The following LRRTM4 variants were observed in gnomAD, a reference collection of about 807,000 sequenced individuals.
LRRTM4 encodes the protein leucine-rich repeat transmembrane neuronal protein 4.
In LRRTM4, 25 loss-of-function variants were observed where a neutral mutation model predicts 47.6. That is an observed-to-expected ratio of 0.53 (90% confidence interval 0.38 to 0.73). The LOEUF is 0.73. Among genes scored for constraint, LRRTM4 ranks in the 30% least tolerant of loss-of-function variants. The probability of loss-of-function intolerance (pLI) is 0.00; values close to 1 mark genes in which losing one functional copy is unlikely to be tolerated. For missense variants in LRRTM4, 638 were observed against 713.4 expected, an observed-to-expected ratio of 0.89 and a Z score of 1.20; for synonymous variants, 311 against 269.5, an observed-to-expected ratio of 1.15 and a Z score of -1.51.
chr2:77,500,218 G>A (rs559301483), intron 3 of LRRTM4, among the ~76,000 whole-genome samples: 87 of 151,712 alleles, frequency 5.7e-4, no homozygotes, highest in Non-Finnish European at 9.7e-4. Context: ...GAATTATTGT[G>A]GAGGTGAGAG....
At chr2:77,377,935 A>G (rs181762805) in intron 3 of LRRTM4, among the ~76,000 whole-genome samples, 3 of 152,098 alleles carry the variant, frequency 2.0e-5, no homozygotes, top group African/African-American at 4.8e-5. Context: ...TCTTTTAAAA[A>G]CCAATTTAAT....
intron 3 of LRRTM4, among the ~76,000 whole-genome samples, chr2:76,874,925 G>C (rs1420702521): frequency 6.6e-6 from 1 of 152,050 alleles, no homozygotes; most frequent in Non-Finnish European, 1.5e-5. Flanking sequence ...GTATTCATCA[G>C]ATATTTGTTA....
chr2:77,460,788 A>G lies in LRRTM4; in HGVS notation c.1551+57530T>C, dbSNP rs949832087. Among the ~76,000 whole-genome samples the G allele has an allele frequency of 1.3e-5, 2 of 150,068 alleles. 1 individual carries two copies. Among genetic ancestry groups the G allele is most frequent in the Admixed American group, 1.3e-4 (2 of 14,964 alleles). ...CTAAGTTTTAAAACAAAAGGTAAGG[A>G]CAGATATAAAAGCCCCATAAAAAGT... On this transcript the variant is annotated intron_variant, in intron 3 of 3. Transcript: ENST00000409884.
chr2:77,007,387 GAAGA>G (rs1677695983), intron 3 of LRRTM4, among the ~76,000 whole-genome samples: 1 of 152,140 alleles, frequency 6.6e-6, no homozygotes, highest in Non-Finnish European at 1.5e-5. Context: ...AGATCAATAT[GAAGA>G]TAGAGTCATG....
intron 3 of LRRTM4, among the ~76,000 whole-genome samples, chr2:77,257,512 G>A (rs1308367441): frequency 1.3e-5 from 2 of 151,924 alleles, no homozygotes; most frequent in African/African-American, 4.8e-5. Context: ...CTTTTTTGCT[G>A]GAAAGTCCAA....
chr2:77,216,290 T>C (rs957193410), intron 3 of LRRTM4, among the ~76,000 whole-genome samples: 5 of 152,324 alleles, frequency 3.3e-5, no homozygotes, highest in Admixed American at 2.6e-4. Context: ...AAATGAGTGT[T>C]CATAATTTTT....
At chr2:76,830,908 G>A (rs1204386917) in intron 3 of LRRTM4, among the ~76,000 whole-genome samples, 1 of 151,902 alleles carries the variant, frequency 6.6e-6, no homozygotes, top group Non-Finnish European at 1.5e-5. Context: ...AAGAAAATAT[G>A]AAAATATAAA....
intron 3 of LRRTM4, among the ~76,000 whole-genome samples, chr2:77,491,493 T>C (rs1678160327): frequency 6.6e-6 from 1 of 151,968 alleles, no homozygotes; most frequent in Non-Finnish European, 1.5e-5. Context: ...ACAAGAGTAC[T>C]ATAAAGTAAG....
intron 3 of LRRTM4, among the ~76,000 whole-genome samples, chr2:77,200,486 A>C (rs1673943894): frequency 1.3e-5 from 2 of 152,134 alleles, no homozygotes; most frequent in Non-Finnish European, 2.9e-5. Flanking sequence ...GTTCTGAACA[A>C]AGCAATTAAC....
At chr2:77,166,624 C>A (rs760932737) in intron 3 of LRRTM4, among the ~76,000 whole-genome samples, 5 of 152,098 alleles carry the variant, frequency 3.3e-5, no homozygotes, top group Non-Finnish European at 7.3e-5. Flanking sequence ...ACCAATGGAA[C>A]AGAATAGAGC....
At chr2:76,882,613 A>T (rs564270995) in intron 3 of LRRTM4, among the ~76,000 whole-genome samples, 292 of 152,220 alleles carry the variant, frequency 1.9e-3, no homozygotes, top group African/African-American at 6.8e-3. Flanking sequence ...CTGAGGTGGG[A>T]GGATTCTACT....
chr2:77,461,140 A>ACACAGT (rs2103972398), intron 3 of LRRTM4, among the ~76,000 whole-genome samples: 1 of 94,954 alleles, frequency 1.1e-5, no homozygotes, highest in East Asian at 3.4e-4. Context: ...ATACACAGTG[A>ACACAGT]GAGAGAGAGA....
At chr2:77,052,299 G>C (rs1372883320) in intron 3 of LRRTM4, among the ~76,000 whole-genome samples, 11 of 151,788 alleles carry the variant, frequency 7.2e-5, no homozygotes, top group Non-Finnish European at 1.6e-4. Context: ...CTCCCGGGTA[G>C]CTGGGATTAC....
chr2:77,343,260 G>T (rs1236264477), intron 3 of LRRTM4, among the ~76,000 whole-genome samples: 1 of 151,816 alleles, frequency 6.6e-6, no homozygotes, highest in Non-Finnish European at 1.5e-5. Context: ...TTTAACACAT[G>T]CTACAAAACA....
At chr2:77,226,936 C>T (rs1456916224) in intron 3 of LRRTM4, among the ~76,000 whole-genome samples, 1 of 151,908 alleles carries the variant, frequency 6.6e-6, no homozygotes, top group Non-Finnish European at 1.5e-5. Context: ...CATCCAATAC[C>T]TCTCTCTCTG....
chr2:77,016,757 T>C (rs1678085778), intron 3 of LRRTM4, among the ~76,000 whole-genome samples: 1 of 152,194 alleles, frequency 6.6e-6, no homozygotes, highest in Non-Finnish European at 1.5e-5. Context: ...AGAATTACAC[T>C]TTCTATTTCT....
At chr2:77,480,822 G>GGAGAGAGAGAGAGAGAGAGA (rs67377276) in intron 3 of LRRTM4, among the ~76,000 whole-genome samples, 2 of 74,498 alleles carry the variant, frequency 2.7e-5, no homozygotes, top group Admixed American at 1.6e-4. Flanking sequence ...GTGTGTGTGT[G>GGAGAGAGAGAGAGAGAGAGA]GAGAGAGAGA....
At chr2:77,088,596 G>C (rs1426496331) in intron 3 of LRRTM4, among the ~76,000 whole-genome samples, 1 of 152,024 alleles carries the variant, frequency 6.6e-6, no homozygotes, top group Non-Finnish European at 1.5e-5. Context: ...GACTCAGCCC[G>C]CCTGCACCCA....
intron 3 of LRRTM4, among the ~76,000 whole-genome samples, chr2:77,390,209 G>A (rs1030059981): frequency 6.6e-6 from 1 of 152,030 alleles, no homozygotes; most frequent in Non-Finnish European, 1.5e-5. Context: ...GTAACTGAGT[G>A]CTGAAAAAAT....
Sources: gnomAD v4.1 joint callset for allele counts (sites outside exome capture counted in the v4.1 genomes callset) on GRCh38, gnomAD v4.1.1 for gene constraint, MANE v1.5 for transcripts, NCBI Gene and HGNC (gene_info 2026-07-23, HGNC 2026-07-21) for gene names.